DCC: variants seen among roughly 807,000 people sequenced by gnomAD.
The protein encoded by DCC is netrin receptor DCC.
In DCC, 58 loss-of-function variants were observed where a neutral mutation model predicts 172.5. The ratio of observed to expected loss-of-function variants is 0.34; its 90% CI spans 0.27 to 0.42. The LOEUF (loss-of-function observed/expected upper bound fraction) is 0.42. Ranked by LOEUF, DCC falls within the 10% of genes least tolerant of loss-of-function variation. The pLI, the probability that DCC is intolerant of heterozygous loss-of-function variation, is 1.00. For missense variants in DCC, 1,740 were observed against 1,791.0 expected (o/e 0.97, Z 0.51); for synonymous variants, 709 against 644.5 (o/e 1.10, Z -1.52).
At chr18:53,055,179 A>G (rs1264704497) in intron 5 of DCC, among the ~76,000 whole-genome samples, 1 of 152,078 alleles carries the variant, frequency 6.6e-6, no homozygotes, top group African/African-American at 2.4e-5. Flanking sequence ...AAGACAATCC[A>G]TGTTCTTAAG....
intron 10 of DCC, among the ~76,000 whole-genome samples, chr18:53,206,811 G>A (rs1302579338): frequency 6.6e-6 from 1 of 151,128 alleles, no homozygotes; most frequent in African/African-American, 2.4e-5. Context: ...TATTTGTTGT[G>A]AAGCTTGTCA....
chr18:53,065,064 C>A (rs115262819), intron 6 of DCC, among the ~76,000 whole-genome samples: 3,834 of 152,130 alleles, frequency 0.025, 192 homozygotes, highest in African/African-American at 0.088. Context: ...AAAATATTTC[C>A]TCAACAGCTC....
At chr18:53,148,090 T>C (rs1274991105) in intron 7 of DCC, among the ~76,000 whole-genome samples, 1 of 152,224 alleles carries the variant, frequency 6.6e-6, no homozygotes, top group Admixed American at 6.5e-5. Flanking sequence ...GATAAAATTA[T>C]TTTTTTCCTT....
chr18:52,626,571 T>C (rs528309119), intron 1 of DCC, among the ~76,000 whole-genome samples: 3 of 152,280 alleles, frequency 2.0e-5, no homozygotes, highest in African/African-American at 4.8e-5. Flanking sequence ...CTGCACATGA[T>C]AGCTAAAGTC....
In DCC at chr18:53,183,161, G is replaced by T. The variant is rs1386534309; in HGVS notation, c.1573+4045G>T. On this transcript the variant is annotated intron_variant, in intron 9 of 28. Transcript: ENST00000442544. Reference sequence around the variant, plus strand: ...CTATTATACAAACCATATTTGCAAAGAATAAAACTGATGGAAAATATGTCT... The same window carrying T: ...CTATTATACAAACCATATTTGCAAATAATAAAACTGATGGAAAATATGTCT... Among the ~76,000 whole-genome samples, 2 of 151,982 alleles carry T rather than the reference G, an allele frequency of 1.3e-5. 1 individual carries two copies. The highest frequency in any genetic ancestry group is 2.9e-5 in the Non-Finnish European group (2 of 67,936).
intron 2 of DCC, among the ~76,000 whole-genome samples, chr18:52,800,146 A>G (rs903658100): frequency 6.6e-6 from 1 of 152,222 alleles, no homozygotes; most frequent in African/African-American, 2.4e-5. Context: ...GTTACTGCAG[A>G]GTTCCTAGTG....
At chr18:52,914,787 G>A (rs2040017366) in intron 3 of DCC, among the ~76,000 whole-genome samples, 1 of 152,118 alleles carries the variant, frequency 6.6e-6, no homozygotes, top group Admixed American at 6.6e-5. Context: ...GCAGCCAGCA[G>A]GTGAACAGTA....
Position 52,509,770 on chromosome 18 carries a change from C to A in DCC, c.91+168892C>A, listed in dbSNP as rs566789235. ...AGGCAGCAAGATCTTAGATGCTACACCCCCACGGATGAACCGAGTTGCCCC... is the reference window on the plus strand; with the variant it reads ...AGGCAGCAAGATCTTAGATGCTACAACCCCACGGATGAACCGAGTTGCCCC... On this transcript the variant is annotated intron_variant, in intron 1 of 28. Transcript: ENST00000442544. 5.3e-5 allele frequency among the ~76,000 whole-genome samples: 8 copies of A among 152,286 alleles called. No homozygotes were observed. The East Asian group carries it at 1.5e-3, about 29-fold the overall frequency.
chr18:53,476,451 A>C (rs913568922), intron 25 of DCC, among the ~76,000 whole-genome samples: 7 of 152,136 alleles, frequency 4.6e-5, no homozygotes, highest in Non-Finnish European at 8.8e-5. Context: ...CATGATAGTG[A>C]ATAAGTCTGA....
At chr18:52,675,376 A>G (rs1220752782) in intron 1 of DCC, among the ~76,000 whole-genome samples, 1 of 152,072 alleles carries the variant, frequency 6.6e-6, no homozygotes, top group Non-Finnish European at 1.5e-5. Context: ...CTTTGGATAA[A>G]CTCAACCAAT....
chr18:52,475,940 T>C (rs1451499082), intron 1 of DCC, among the ~76,000 whole-genome samples: 1 of 152,194 alleles, frequency 6.6e-6, no homozygotes, highest in Non-Finnish European at 1.5e-5. Context: ...GAAGAAAATC[T>C]TTTGAAATAA....
intron 1 of DCC, among the ~76,000 whole-genome samples, chr18:52,644,138 TTGGGCTG>T (rs2034964151): frequency 6.6e-6 from 1 of 152,180 alleles, no homozygotes; most frequent in African/African-American, 2.4e-5. Flanking sequence ...CTGTGTCTGT[TTGGGCTG>T]TGGTATGGGG....
At chr18:52,895,433 A>G (rs2039714050) in intron 2 of DCC, among the ~76,000 whole-genome samples, 2 of 152,222 alleles carry the variant, frequency 1.3e-5, no homozygotes, top group South Asian at 4.1e-4. Flanking sequence ...TCTTCATGAA[A>G]TCAATATGCT....
At chr18:52,860,864 G>A (rs1262493093) in intron 2 of DCC, among the ~76,000 whole-genome samples, 1 of 152,060 alleles carries the variant, frequency 6.6e-6, no homozygotes, top group Non-Finnish European at 1.5e-5. Context: ...CCAGGTGCCA[G>A]GTGTGGTGAC....
chr18:53,039,446 A>AG (rs1004190501), intron 5 of DCC, among the ~76,000 whole-genome samples: 1 of 152,064 alleles, frequency 6.6e-6, no homozygotes, highest in Non-Finnish European at 1.5e-5. Flanking sequence ...TATTTGCCAG[A>AG]GGAAGGTCTA....
chr18:53,002,836 T>C (rs992132333), intron 5 of DCC, among the ~76,000 whole-genome samples: 1 of 152,100 alleles, frequency 6.6e-6, no homozygotes, highest in Non-Finnish European at 1.5e-5. Context: ...GCACCTGATA[T>C]ATTCATAGGC....
intron 15 of DCC, among the ~76,000 whole-genome samples, chr18:53,355,621 G>T (rs1475618310): frequency 6.6e-6 from 1 of 152,136 alleles, no homozygotes; most frequent in Admixed American, 6.5e-5. Flanking sequence ...CGTTGATTTT[G>T]TATCCTGAGA....
At position 53,109,762 on chromosome 18, in the gene DCC, C is replaced by A. The variant is rs552953847; in HGVS notation, c.1261+43596C>A. On this transcript the variant is annotated intron_variant, in intron 7 of 28. Coordinates refer to ENST00000442544, the MANE Select transcript of DCC (RefSeq NM_005215.4). Reference sequence around the variant, plus strand: ...TCTAGTAAGTAGAGGCCAGAGATGCCTTTAAAAACTTATTTTTAAATGTTG... The same window carrying A: ...TCTAGTAAGTAGAGGCCAGAGATGCATTTAAAAACTTATTTTTAAATGTTG... Among the ~76,000 whole-genome samples the A allele has an allele frequency of 4.0e-5, 6 of 151,672 alleles. No homozygotes were observed. In the South Asian group the frequency reaches 1.2e-3, roughly 32 times the overall value.
At chr18:53,155,411 G>A (rs187172251) in intron 7 of DCC, among the ~76,000 whole-genome samples, 3 of 152,260 alleles carry the variant, frequency 2.0e-5, no homozygotes, top group South Asian at 2.1e-4. Flanking sequence ...GATGAAACAC[G>A]TATTCCCTAG....
Sources: gnomAD v4.1 joint callset for allele counts (sites outside exome capture counted in the v4.1 genomes callset) on GRCh38, gnomAD v4.1.1 for gene constraint, MANE v1.5 for transcripts, NCBI Gene and HGNC (gene_info 2026-07-23, HGNC 2026-07-21) for gene names.